CACNA1E: variants seen among roughly 807,000 people sequenced by gnomAD.
CACNA1E encodes the protein calcium voltage-gated channel subunit alpha1 E.
In CACNA1E, 40 loss-of-function variants were observed where a neutral mutation model predicts 259.2. The ratio of observed to expected loss-of-function variants is 0.15; its 90% confidence interval spans 0.12 to 0.20. The LOEUF is 0.20. CACNA1E is among the 10% of genes least tolerant of loss of function. CACNA1E has a pLI of 1.00. For missense variants in CACNA1E, 1,874 were observed against 3,040.1 expected (o/e 0.62, Z 9.02); for synonymous variants, 1,104 against 1,138.5 (o/e 0.97, Z 0.61).
intron 2 of CACNA1E, among the ~76,000 whole-genome samples, chr1:181,441,024 C>T (rs655572): frequency 0.041 from 5,510 of 134,372 alleles, 381 homozygotes; most frequent in African/African-American, 0.094. Context: ...AAAAAAGCGC[C>T]CAGCTCTTCC....
At chr1:181,340,049 T>C (rs914772747) in intron 1 of CACNA1E, among the ~76,000 whole-genome samples, 2 of 129,234 alleles carry the variant, frequency 1.5e-5, no homozygotes, top group African/African-American at 2.8e-5. Flanking sequence ...AACACAAAAA[T>C]TATACTTTTT....
intron 7 of CACNA1E, among the ~76,000 whole-genome samples, chr1:181,667,799 A>T (rs887126412): frequency 6.6e-6 from 1 of 152,172 alleles, no homozygotes; most frequent in Admixed American, 6.5e-5. Flanking sequence ...ACAGTTGACT[A>T]AAAAATAGCT....
chr1:181,388,938 T>C (rs1001646135), intron 1 of CACNA1E, among the ~76,000 whole-genome samples: 1 of 152,124 alleles, frequency 6.6e-6, no homozygotes, highest in African/African-American at 2.4e-5. Context: ...TCGTTGTATA[T>C]GCTGTCTGAC....
chr1:181,808,069 AG>A lies in CACNA1E; in HGVS notation c.*9236del, dbSNP rs1349419428. On this transcript the variant is annotated 3_prime_UTR_variant, in exon 48 of 48. Coordinates refer to ENST00000367573, the MANE Select transcript of CACNA1E (RefSeq NM_001205293.3). ...TAATGGCACTATGAAACAGATATAAAGAAAAATAGACACTGTTCTGAGTTTC... is the reference window on the plus strand; with the variant it reads ...TAATGGCACTATGAAACAGATATAAAAAAAATAGACACTGTTCTGAGTTTC... 2 of 152,212 alleles carry A rather than the reference AG, an allele frequency of 1.3e-5. No individual in the cohort carries two copies. Among genetic ancestry groups the A allele is most frequent in the African/African-American group, 4.8e-5 (2 of 41,456 alleles). The allele number at this position is 152,212 out of a possible 1,614,324, so 9.4% of individuals were successfully genotyped here.
intron 3 of CACNA1E, among the ~76,000 whole-genome samples, chr1:181,530,047 C>G (rs529857412): frequency 2.6e-5 from 4 of 152,316 alleles, no homozygotes; most frequent in African/African-American, 7.2e-5. Flanking sequence ...TCAGTTGTAT[C>G]TCCCATAATT....
intron 6 of CACNA1E, among the ~76,000 whole-genome samples, chr1:181,584,746 T>C (rs757072985): frequency 1.6e-4 from 25 of 152,210 alleles, no homozygotes; most frequent in Non-Finnish European, 3.2e-4. Flanking sequence ...CTAGGGAATG[T>C]GGCTTCCATC....
At chr1:181,796,089 TAGAAAC>T (rs1249537150) in intron 46 of CACNA1E, among the ~76,000 whole-genome samples, 1 of 152,164 alleles carries the variant, frequency 6.6e-6, no homozygotes, top group Non-Finnish European at 1.5e-5. Context: ...GTAGCATAAA[TAGAAAC>T]AGAATAGATT....
intron 22 of CACNA1E, 134 bp downstream of exon 22, chr1:181,736,568 A>T (rs1478772696): frequency 4.9e-6 from 4 of 812,892 alleles, no homozygotes; most frequent in Non-Finnish European, 7.7e-6. Flanking sequence ...GCATGGCCAG[A>T]CATTGAGCAT....
At chr1:181,661,940 A>G (rs899529498) in intron 7 of CACNA1E, among the ~76,000 whole-genome samples, 1 of 152,228 alleles carries the variant, frequency 6.6e-6, no homozygotes, top group Non-Finnish European at 1.5e-5. Flanking sequence ...GAAGGAAATT[A>G]TCTGTCATCT....
At chr1:181,497,011 G>C (rs1393561800) in intron 1 of CACNA1E, among the ~76,000 whole-genome samples, 1 of 152,054 alleles carries the variant, frequency 6.6e-6, no homozygotes, top group Non-Finnish European at 1.5e-5. Context: ...CAGGTCTGAG[G>C]AATATGGGCC....
chr1:181,456,897 TC>T lies in CACNA1E; in HGVS notation c.435-26844del, dbSNP rs1661496389. ...TCTCCCTTCCTCCTCCACCTGTCTT[TC>T]CCTAGAGATTTGAAAAGGGAAAAAT... On this transcript the variant is annotated intron_variant, in intron 2 of 11. Coordinates refer to the CACNA1E transcript ENST00000524607. Among the ~76,000 whole-genome samples the T allele has an allele frequency of 3.3e-5, 5 of 152,318 alleles. No homozygotes were observed. In the South Asian group the frequency reaches 1.0e-3, roughly 32 times the overall value.
chr1:181,633,347 T>C (rs961465248), intron 6 of CACNA1E, among the ~76,000 whole-genome samples: 1 of 152,102 alleles, frequency 6.6e-6, no homozygotes, highest in Non-Finnish European at 1.5e-5. Context: ...CTGCTTGCCA[T>C]AGCTTGAGCG....
intron 1 of CACNA1E, among the ~76,000 whole-genome samples, chr1:181,366,152 C>T (rs901190949): frequency 6.6e-6 from 1 of 152,184 alleles, no homozygotes; most frequent in Non-Finnish European, 1.5e-5. Flanking sequence ...ATTTGACTAT[C>T]CTCTCTGAAT....
chr1:181,706,776 T>C (rs1652841213), intron 7 of CACNA1E, among the ~76,000 whole-genome samples: 1 of 152,220 alleles, frequency 6.6e-6, no homozygotes, highest in Non-Finnish European at 1.5e-5. Flanking sequence ...GAAGAAGACA[T>C]TAGTTTGAAT....
intron 35 of CACNA1E, among the ~76,000 whole-genome samples, chr1:181,767,127 C>G (rs1659087830): frequency 6.6e-6 from 1 of 152,188 alleles, no homozygotes. Flanking sequence ...AGATACATCA[C>G]TGTGAACAAC....
chr1:181,539,005 G>A (rs1485568466), intron 3 of CACNA1E, among the ~76,000 whole-genome samples: 1 of 152,192 alleles, frequency 6.6e-6, no homozygotes, highest in East Asian at 1.9e-4. Flanking sequence ...ACCACATGCA[G>A]CCTGCCCTCC....
At chr1:181,716,941 T>C (rs1424177617) in intron 10 of CACNA1E, among the ~76,000 whole-genome samples, 152 bp from the exon 11 acceptor site, 1 of 152,190 alleles carries the variant, frequency 6.6e-6, no homozygotes, top group Non-Finnish European at 1.5e-5. Context: ...CTATAGAAAC[T>C]ACTGAGCCCG....
At chr1:181,574,780 A>G (rs1011125342) in intron 3 of CACNA1E, among the ~76,000 whole-genome samples, 1 of 152,176 alleles carries the variant, frequency 6.6e-6, no homozygotes, top group African/African-American at 2.4e-5. Context: ...TAATCCCAGC[A>G]CTTTGGGAGG....
chr1:181,373,768 GC>G (rs1654885582), intron 1 of CACNA1E, among the ~76,000 whole-genome samples: 1 of 151,984 alleles, frequency 6.6e-6, no homozygotes, highest in Admixed American at 6.5e-5. Flanking sequence ...CTTGTGATCC[GC>G]CCGCCTTGGC....
Sources: allele counts gnomAD v4.1 joint callset (sites outside exome capture counted in the v4.1 genomes callset), GRCh38; gene constraint gnomAD v4.1.1; transcripts MANE v1.5; gene names NCBI Gene and HGNC (gene_info 2026-07-23, HGNC 2026-07-21).